GRIN2A: variants seen among roughly 807,000 people sequenced by gnomAD.
GRIN2A encodes glutamate receptor ionotropic, NMDA 2A.
Under a neutral mutation model 113.4 loss-of-function variants are expected in GRIN2A, and 22 were observed. The ratio of observed to expected loss-of-function variants is 0.19; its 90% CI spans 0.14 to 0.28. GRIN2A has a LOEUF of 0.28. GRIN2A is among the 10% of genes least tolerant of loss of function. GRIN2A has a pLI of 1.00. For missense variants in GRIN2A, 1,502 were observed against 1,887.0 expected, an observed-to-expected ratio of 0.80 and a Z score of 3.78; for synonymous variants, 827 against 738.4, an observed-to-expected ratio of 1.12 and a Z score of -1.94.
intron 2 of GRIN2A, among the ~76,000 whole-genome samples, chr16:10,071,267 G>C (rs2047744930): frequency 6.6e-6 from 1 of 152,158 alleles, no homozygotes. Context: ...CATTCTATTA[G>C]CAGAAATGCA....
At chr16:9,847,183 A>G (rs1256008015) in intron 5 of GRIN2A, among the ~76,000 whole-genome samples, 1 of 152,188 alleles carries the variant, frequency 6.6e-6, no homozygotes, top group African/African-American at 2.4e-5. Context: ...TCTGGGATCT[A>G]TAAAAGAGAT....
chr16:9,834,585 T>A (rs1007222704), intron 7 of GRIN2A, among the ~76,000 whole-genome samples: 1 of 152,182 alleles, frequency 6.6e-6, no homozygotes, highest in Non-Finnish European at 1.5e-5. Context: ...TTTCGCCATG[T>A]TGCCCAGGCT....
intron 4 of GRIN2A, among the ~76,000 whole-genome samples, chr16:9,879,710 C>A (rs2043440221): frequency 6.6e-6 from 1 of 152,164 alleles, no homozygotes; most frequent in Admixed American, 6.5e-5. Flanking sequence ...TGACTCTGAG[C>A]AAGTTATTGA....
intron 4 of GRIN2A, among the ~76,000 whole-genome samples, chr16:9,888,710 C>T (rs971705627): frequency 1.3e-5 from 2 of 151,780 alleles, no homozygotes; most frequent in Non-Finnish European, 2.9e-5. Flanking sequence ...TAAAGCATCT[C>T]ATGATATGCG....
intron 2 of GRIN2A, among the ~76,000 whole-genome samples, chr16:10,043,675 A>G (rs1739932563): frequency 6.6e-6 from 1 of 152,076 alleles, no homozygotes; most frequent in Admixed American, 6.5e-5. Flanking sequence ...CCAGAACCAC[A>G]CAGCTTAGTG....
intron 2 of GRIN2A, among the ~76,000 whole-genome samples, chr16:9,975,485 GTC>G (rs751974639): frequency 3.0e-4 from 45 of 152,172 alleles, no homozygotes; most frequent in Admixed American, 1.6e-3. Context: ...TGAGAAAGAA[GTC>G]TCTAGGAGCA....
intron 2 of GRIN2A, among the ~76,000 whole-genome samples, chr16:10,036,769 A>G (rs2047042658): frequency 6.6e-6 from 1 of 151,584 alleles, no homozygotes; most frequent in African/African-American, 2.4e-5. Flanking sequence ...TTAAGATTGT[A>G]TGCATCTTCA....
At chr16:10,072,292 AAAC>A (rs767195729) in intron 2 of GRIN2A, among the ~76,000 whole-genome samples, 30 of 152,360 alleles carry the variant, frequency 2.0e-4, no homozygotes, top group South Asian at 1.7e-3. Flanking sequence ...GCATGAGAAT[AAAC>A]AACAAGTTGA....
At chr16:10,130,392 C>T (rs1378651891) in intron 2 of GRIN2A, among the ~76,000 whole-genome samples, 1 of 152,194 alleles carries the variant, frequency 6.6e-6, no homozygotes, top group African/African-American at 2.4e-5. Flanking sequence ...ATAGAATTTT[C>T]GAGCTGAGCA....
chr16:9,969,047 T>C (rs2045617296), intron 2 of GRIN2A, among the ~76,000 whole-genome samples: 1 of 152,224 alleles, frequency 6.6e-6, no homozygotes, highest in Non-Finnish European at 1.5e-5. Flanking sequence ...CATTCTTTTT[T>C]TTCACAGCAA....
At chr16:10,123,887 T>C (rs1346149508) in intron 2 of GRIN2A, among the ~76,000 whole-genome samples, 1 of 152,196 alleles carries the variant, frequency 6.6e-6, no homozygotes, top group Non-Finnish European at 1.5e-5. Context: ...ACAGTACAAA[T>C]AGAGCTGCTC....
At chr16:9,890,274 C>T (rs2043668395) in intron 4 of GRIN2A, among the ~76,000 whole-genome samples, 1 of 152,166 alleles carries the variant, frequency 6.6e-6, no homozygotes, top group Admixed American at 6.6e-5. Context: ...ATTGTAGCGA[C>T]TAACTTAAGC....
At chr16:10,044,312 G>A (rs1362223387) in intron 2 of GRIN2A, among the ~76,000 whole-genome samples, 2 of 151,960 alleles carry the variant, frequency 1.3e-5, no homozygotes, top group Admixed American at 6.6e-5. Context: ...GATTACGGGT[G>A]TGAGCCACCA....
chr16:9,852,588 A>C (rs2042903501), intron 4 of GRIN2A, among the ~76,000 whole-genome samples: 1 of 152,210 alleles, frequency 6.6e-6, no homozygotes, highest in Non-Finnish European at 1.5e-5. Context: ...AAGGAGGTTG[A>C]AGATGAGTGG....
chr16:9,922,238 A>G (rs927280588), intron 3 of GRIN2A, among the ~76,000 whole-genome samples: 2 of 152,164 alleles, frequency 1.3e-5, no homozygotes, highest in Non-Finnish European at 1.5e-5. Context: ...AGTGATCTCC[A>G]GCATCCCTGC....
chr16:9,763,504 C>T lies in GRIN2A; in HGVS notation c.4040G>A (p.Gly1347Asp), dbSNP rs1900690263. Residue 1347 changes from glycine to aspartate, a missense_variant, in exon 13 of 13, where the codon GGT (glycine) becomes GAT (aspartate). Physicochemically the swap from Gly to Asp is moderately conservative, Grantham distance 94 (BLOSUM62 -1). Around this residue, in one of 7 missense-constraint regions of GRIN2A, gnomAD observed 832 missense variants for 789.7 expected, o/e 1.05. Coordinates refer to ENST00000330684, the MANE Select transcript of GRIN2A (RefSeq NM_001134407.3). ...SGKKSSLFPQGLEDSKRSKSL... is the reference protein window; with the variant it reads ...SGKKSSLFPQDLEDSKRSKSL... ...CTTGCTCCTCTTGCTGTCCTCCAGACCTTGGGGGAAAAGGGAGCTTTTTTT... is the reference window on the plus strand; with the variant it reads ...CTTGCTCCTCTTGCTGTCCTCCAGATCTTGGGGGAAAAGGGAGCTTTTTTT... The T allele has an allele frequency of 6.2e-7, 1 of 1,614,020 alleles. No homozygotes were observed. The highest frequency in any genetic ancestry group is 8.5e-7 in the Non-Finnish European group (1 of 1,179,980).
chr16:10,119,665 G>T (rs756589454), intron 2 of GRIN2A, among the ~76,000 whole-genome samples: 1 of 152,202 alleles, frequency 6.6e-6, no homozygotes, highest in East Asian at 1.9e-4. Context: ...ATTTGGTACA[G>T]ATTATTTTGT....
At chr16:9,791,127 A>G (rs1455162151) in intron 11 of GRIN2A, among the ~76,000 whole-genome samples, 1 of 152,248 alleles carries the variant, frequency 6.6e-6, no homozygotes, top group East Asian at 1.9e-4. Flanking sequence ...CAGAACCTTC[A>G]TCTTACTTAT....
intron 11 of GRIN2A, among the ~76,000 whole-genome samples, chr16:9,771,199 C>CT (rs60641368): frequency 0.019 from 2,658 of 137,804 alleles, 66 homozygotes; most frequent in African/African-American, 0.058. Context: ...ATAGTCCCAT[C>CT]TTTTTTTTTT....
Sources: allele counts gnomAD v4.1 joint callset (sites outside exome capture counted in the v4.1 genomes callset), GRCh38; gene constraint gnomAD v4.1.1; regional missense constraint gnomAD v4.1.1; transcripts MANE v1.5; gene names NCBI Gene and HGNC (gene_info 2026-07-23, HGNC 2026-07-21).